HS3ST2: variants seen among roughly 807,000 people sequenced by gnomAD.
The protein encoded by HS3ST2 is heparan sulfate glucosamine 3-O-sulfotransferase 2.
HS3ST2 carries 17 observed loss-of-function variants against 26.3 expected under a neutral mutation model. The observed-to-expected ratio is 0.65, with a 90% CI of 0.44 to 0.97. HS3ST2 has a LOEUF of 0.97. Ranked by LOEUF, HS3ST2 falls within the 50% of genes least tolerant of loss-of-function variation. HS3ST2 has a pLI of 0.00. For missense variants in HS3ST2, 402 were observed against 501.2 expected (o/e 0.80, Z 1.89); for synonymous variants, 237 against 219.2 (o/e 1.08, Z -0.72).
At chr16:22,816,201 A>C (rs908996718) in intron 1 of HS3ST2, among the ~76,000 whole-genome samples, 8 of 152,246 alleles carry the variant, frequency 5.3e-5, no homozygotes, top group African/African-American at 1.9e-4. Context: ...CTCACAATTC[A>C]CCTGACCCTT....
intron 1 of HS3ST2, among the ~76,000 whole-genome samples, chr16:22,890,936 G>T (rs1459972515): frequency 6.6e-6 from 1 of 152,198 alleles, no homozygotes; most frequent in Non-Finnish European, 1.5e-5. Flanking sequence ...GTAGACAGAA[G>T]AAATCACCTG....
chr16:22,907,107 C>T (rs559348229), intron 1 of HS3ST2, among the ~76,000 whole-genome samples: 1 of 152,196 alleles, frequency 6.6e-6, no homozygotes, highest in South Asian at 2.1e-4. Flanking sequence ...GGACAAGAGA[C>T]AAGTAAGATG....
At chr16:22,880,649 C>A (rs1035937835) in intron 1 of HS3ST2, among the ~76,000 whole-genome samples, 2 of 152,182 alleles carry the variant, frequency 1.3e-5, no homozygotes, top group African/African-American at 2.4e-5. Flanking sequence ...GCCCTCCCCC[C>A]ATGGAGATGG....
At chr16:22,835,267 G>A (rs1901239172) in intron 1 of HS3ST2, among the ~76,000 whole-genome samples, 1 of 151,482 alleles carries the variant, frequency 6.6e-6, no homozygotes, top group Admixed American at 6.6e-5. Flanking sequence ...TCCCTCTGAG[G>A]TAGAAGTTAT....
intron 1 of HS3ST2, among the ~76,000 whole-genome samples, chr16:22,842,232 T>C (rs1901369659): frequency 6.6e-6 from 1 of 152,006 alleles, no homozygotes; most frequent in Non-Finnish European, 1.5e-5. Flanking sequence ...CAGCTAATTT[T>C]TATATTTTTA....
chr16:22,824,184 G>A (rs1309047657), intron 1 of HS3ST2, among the ~76,000 whole-genome samples: 2 of 152,190 alleles, frequency 1.3e-5, no homozygotes, highest in Admixed American at 6.5e-5. Context: ...GAGAGAGGAC[G>A]TCCCTTTTGT....
At chr16:22,912,785 C>T (rs1902438751) in intron 1 of HS3ST2, among the ~76,000 whole-genome samples, 2 of 152,184 alleles carry the variant, frequency 1.3e-5, no homozygotes, top group Admixed American at 1.3e-4. Flanking sequence ...CAGGTTGTTG[C>T]CATAGAAAGG....
intron 1 of HS3ST2, among the ~76,000 whole-genome samples, chr16:22,913,984 A>C (rs1314494945): frequency 6.6e-6 from 1 of 152,134 alleles, no homozygotes; most frequent in African/African-American, 2.4e-5. Context: ...AAAAATTATT[A>C]AGAATCAGCC....
rs780853940 is a variant in HS3ST2 at position 22,876,552 on chromosome 16, G to A, written c.486-38392G>A. Reference sequence around the variant, plus strand: ...GCACTTTTATGCTGCCAGTGTCAACGACACCACTATGGAAAACCGTGTGGA... The same window carrying A: ...GCACTTTTATGCTGCCAGTGTCAACAACACCACTATGGAAAACCGTGTGGA... On this transcript the variant is annotated intron_variant, in intron 1 of 1. Transcript: ENST00000261374. 4.1e-4 allele frequency among the ~76,000 whole-genome samples: 62 copies of A among 152,228 alleles called. 1 individual carries two copies. The highest frequency in any genetic ancestry group is 1.4e-3 in the African/African-American group (57 of 41,556).
intron 1 of HS3ST2, among the ~76,000 whole-genome samples, chr16:22,895,263 T>C (rs1902194467): frequency 6.6e-6 from 1 of 152,106 alleles, no homozygotes; most frequent in South Asian, 2.1e-4. Flanking sequence ...CTGATTTTTG[T>C]ATTTTCAGTA....
At chr16:22,898,644 G>A (rs983446035) in intron 1 of HS3ST2, among the ~76,000 whole-genome samples, 5 of 152,166 alleles carry the variant, frequency 3.3e-5, no homozygotes, top group Non-Finnish European at 7.3e-5. Context: ...GAACTGACAT[G>A]CAGAGCTGGA....
At position 22,814,909 on chromosome 16, in the gene HS3ST2, G is replaced by A. The variant is rs1210336517; in HGVS notation, c.299G>A (p.Gly100Asp). ...GCCGTGCCCGCCCCTCGCCTCTCCG[G>A]TTCCAACCACTCCGGCTCACCCAAG... ...AAAVPAPRLS[G>D]SNHSGSPKLG... is the part of the protein sequence containing the mutation. Residue 100 changes from glycine (G) to aspartate (D), a missense_variant, in exon 1 of 2, where the codon GGT (glycine) becomes GAT (aspartate). Transcript: ENST00000261374. 6 of 1,591,086 alleles carry A rather than the reference G, an allele frequency of 3.8e-6. No individual in the cohort carries two copies. In the East Asian group the frequency reaches 1.2e-4, roughly 31 times the overall value.
intron 1 of HS3ST2, among the ~76,000 whole-genome samples, chr16:22,912,852 G>A (rs910408108): frequency 2.6e-5 from 4 of 151,998 alleles, no homozygotes; most frequent in African/African-American, 7.3e-5. Context: ...CACACAGGTG[G>A]GCGTGTCTTG....
intron 1 of HS3ST2, among the ~76,000 whole-genome samples, chr16:22,889,491 C>T (rs982793148): frequency 1.3e-5 from 2 of 152,164 alleles, no homozygotes; most frequent in African/African-American, 4.8e-5. Flanking sequence ...GCCAATATGA[C>T]AATTCAAGGA....
intron 1 of HS3ST2, among the ~76,000 whole-genome samples, chr16:22,861,526 GC>G (rs918143193): frequency 8.6e-5 from 13 of 152,016 alleles, no homozygotes; most frequent in Non-Finnish European, 1.6e-4. Flanking sequence ...ACCAGCCTTG[GC>G]CCTCTCCTCT....
intron 1 of HS3ST2, among the ~76,000 whole-genome samples, chr16:22,863,574 T>C (rs1901708830): frequency 6.6e-6 from 1 of 152,254 alleles, no homozygotes; most frequent in Non-Finnish European, 1.5e-5. Context: ...TTTTCAACCC[T>C]TGCCCCCAAC....
At chr16:22,815,612 C>G (rs11074523) in intron 1 of HS3ST2, among the ~76,000 whole-genome samples, 24,996 of 152,074 alleles carry the variant, frequency 0.16, 2,633 homozygotes, top group East Asian at 0.24. Context: ...AGAAAGATGC[C>G]TTAGGGAGTC....
chr16:22,894,562 G>A (rs1902179363), intron 1 of HS3ST2, among the ~76,000 whole-genome samples: 1 of 152,044 alleles, frequency 6.6e-6, no homozygotes, highest in Non-Finnish European at 1.5e-5. Flanking sequence ...AGCCACTTGA[G>A]TTTCAGCCTT....
At chr16:22,853,553 C>T (rs1292059877) in intron 1 of HS3ST2, among the ~76,000 whole-genome samples, 1 of 152,094 alleles carries the variant, frequency 6.6e-6, no homozygotes, top group African/African-American at 2.4e-5. Flanking sequence ...CCCCTCACTC[C>T]CATGATAATG....
Sources: allele counts gnomAD v4.1 joint callset (sites outside exome capture counted in the v4.1 genomes callset), GRCh38; gene constraint gnomAD v4.1.1; transcripts MANE v1.5; gene names NCBI Gene and HGNC (gene_info 2026-07-23, HGNC 2026-07-21).